CFAP299: variants seen among roughly 807,000 people sequenced by gnomAD.
CFAP299 encodes cilia and flagella associated protein 299.
CFAP299 carries 21 observed loss-of-function variants against 27.0 expected under a neutral mutation model. That is an observed-to-expected ratio of 0.78 (90% CI 0.55 to 1.12). The LOEUF (loss-of-function observed/expected upper bound fraction) is 1.12. CFAP299 is among the 50% of genes most tolerant of loss of function. The pLI is 0.00. For synonymous variants in CFAP299, 104 were observed against 98.1 expected (o/e 1.06, Z -0.36); for missense variants, 310 against 276.6 (o/e 1.12, Z -0.86).
chr4:80,613,278 G>T (rs1046406967), intron 3 of CFAP299, among the ~76,000 whole-genome samples: 1 of 152,052 alleles, frequency 6.6e-6, no homozygotes, highest in African/African-American at 2.4e-5. Flanking sequence ...CCATAGAAAT[G>T]CTAAAATATA....
intron 1 of CFAP299, among the ~76,000 whole-genome samples, chr4:80,336,351 G>T (rs575752736): frequency 6.6e-6 from 1 of 152,142 alleles, no homozygotes; most frequent in Non-Finnish European, 1.5e-5. Context: ...TGGGCGTTTG[G>T]GTTCATGAAC....
chr4:80,774,308 G>A (rs1726392885), intron 3 of CFAP299, among the ~76,000 whole-genome samples: 2 of 151,716 alleles, frequency 1.3e-5, no homozygotes, highest in South Asian at 4.1e-4. Context: ...CTTTTTAGGG[G>A]AAACATGCTG....
chr4:80,356,442 C>G (rs550384779), intron 1 of CFAP299, among the ~76,000 whole-genome samples: 1 of 152,120 alleles, frequency 6.6e-6, no homozygotes, highest in Admixed American at 6.6e-5. Context: ...GCCATTTTCA[C>G]GACATTGATT....
At chr4:80,545,600 A>G (rs1027005078) in intron 2 of CFAP299, among the ~76,000 whole-genome samples, 2 of 152,198 alleles carry the variant, frequency 1.3e-5, no homozygotes, top group African/African-American at 4.8e-5. Flanking sequence ...TTGAATCAGT[A>G]ATGAAAACCT....
At chr4:80,338,160 A>G (rs970335495) in intron 1 of CFAP299, among the ~76,000 whole-genome samples, 4 of 152,192 alleles carry the variant, frequency 2.6e-5, no homozygotes, top group Non-Finnish European at 5.9e-5. Flanking sequence ...AACAACTTTT[A>G]AAACATTTTA....
intron 3 of CFAP299, 99 bp from the exon 4 acceptor site, chr4:80,869,894 G>A: frequency 8.9e-7 from 1 of 1,129,086 alleles, no homozygotes; most frequent in Non-Finnish European, 1.2e-6. Context: ...GCTTCCTATG[G>A]TCACTCATAT....
At chr4:80,613,104 G>A (rs1234939338) in intron 3 of CFAP299, among the ~76,000 whole-genome samples, 1 of 152,122 alleles carries the variant, frequency 6.6e-6, no homozygotes, top group Non-Finnish European at 1.5e-5. Flanking sequence ...GGCATGGGGA[G>A]CTATGCAATT....
At chr4:80,535,443 C>CGA (rs1156961678) in intron 2 of CFAP299, among the ~76,000 whole-genome samples, 1 of 67,672 alleles carries the variant, frequency 1.5e-5, no homozygotes, top group African/African-American at 1.3e-4. Context: ...TGCAGTGAGC[C>CGA]GAGATCCCGC....
intron 3 of CFAP299, among the ~76,000 whole-genome samples, chr4:80,644,368 G>C (rs1396374660): frequency 2.0e-5 from 3 of 151,914 alleles, no homozygotes; most frequent in Non-Finnish European, 4.4e-5. Context: ...TTTTCACTCA[G>C]GTTAATGAGT....
chr4:80,567,039 T>G (rs909946775), intron 2 of CFAP299, among the ~76,000 whole-genome samples: 4 of 151,578 alleles, frequency 2.6e-5, no homozygotes, highest in Admixed American at 1.3e-4. Flanking sequence ...AAAGAAAAAG[T>G]TTTCATTGAA....
intron 2 of CFAP299, among the ~76,000 whole-genome samples, chr4:80,477,996 C>T (rs1010008445): frequency 6.6e-6 from 1 of 152,160 alleles, no homozygotes. Context: ...TTCTGCAATC[C>T]TATTTCATTT....
intron 3 of CFAP299, among the ~76,000 whole-genome samples, chr4:80,715,853 T>C (rs1218977813): frequency 6.6e-6 from 1 of 152,062 alleles, no homozygotes; most frequent in Non-Finnish European, 1.5e-5. Flanking sequence ...GCTGTAATGC[T>C]GATAAATGTA....
At chr4:80,562,619 C>G (rs1350700777) in intron 2 of CFAP299, among the ~76,000 whole-genome samples, 1 of 150,774 alleles carries the variant, frequency 6.6e-6, no homozygotes, top group Non-Finnish European at 1.5e-5. Context: ...GATCATGCCA[C>G]TACACTCCAG....
At chr4:80,929,302 C>A (rs2110217129) in intron 4 of CFAP299, among the ~76,000 whole-genome samples, 1 of 152,132 alleles carries the variant, frequency 6.6e-6, no homozygotes, top group East Asian at 1.9e-4. Flanking sequence ...CATCCAGTCT[C>A]TATGGCACCA....
At chr4:80,428,352 G>A (rs1394708814) in intron 2 of CFAP299, among the ~76,000 whole-genome samples, 1 of 152,024 alleles carries the variant, frequency 6.6e-6, no homozygotes, top group East Asian at 1.9e-4. Flanking sequence ...AAACAGGCAG[G>A]GAGTATTCTT....
intron 3 of CFAP299, among the ~76,000 whole-genome samples, chr4:80,773,209 A>G (rs1375732587): frequency 6.6e-6 from 1 of 152,204 alleles, no homozygotes; most frequent in East Asian, 1.9e-4. Context: ...GAATGTAATC[A>G]GATATCATTT....
At chr4:80,578,645 G>A (rs989449654) in intron 2 of CFAP299, among the ~76,000 whole-genome samples, 1 of 152,126 alleles carries the variant, frequency 6.6e-6, no homozygotes, top group Non-Finnish European at 1.5e-5. Flanking sequence ...TAATGATACA[G>A]TATGATTGCT....
At chr4:80,623,994 T>G (rs911495072) in intron 3 of CFAP299, among the ~76,000 whole-genome samples, 3 of 152,166 alleles carry the variant, frequency 2.0e-5, no homozygotes, top group African/African-American at 7.2e-5. Flanking sequence ...AACCCAATGC[T>G]GTGCCTATTG....
chr4:80,480,025 T>C (rs949350535), intron 2 of CFAP299, among the ~76,000 whole-genome samples: 7 of 152,014 alleles, frequency 4.6e-5, no homozygotes, highest in African/African-American at 7.2e-5. Context: ...CTGTAGCAAT[T>C]TAATGTGGGC....
Sources: allele counts gnomAD v4.1 joint callset (sites outside exome capture counted in the v4.1 genomes callset), GRCh38; gene constraint gnomAD v4.1.1; transcripts MANE v1.5; gene names NCBI Gene and HGNC (gene_info 2026-07-23, HGNC 2026-07-21).